Variants in ADAMTS6 observed in about 807,000 individuals in gnomAD.
The protein encoded by ADAMTS6 is A disintegrin and metalloproteinase with thrombospondin motifs 6.
In ADAMTS6, 23 loss-of-function variants were observed where a neutral mutation model predicts 144.3. The observed-to-expected ratio is 0.16, with a 90% CI of 0.11 to 0.23. The LOEUF is 0.23. ADAMTS6 is among the 10% of genes least tolerant of loss of function. The pLI, the probability that ADAMTS6 is intolerant of heterozygous loss-of-function variation, is 1.00. For missense variants in ADAMTS6, 999 were observed against 1,379.6 expected, an observed-to-expected ratio of 0.72 and a Z score of 4.37; for synonymous variants, 444 against 457.5, an observed-to-expected ratio of 0.97 and a Z score of 0.38.
chr5:65,328,172 T>A (rs558734247), intron 9 of ADAMTS6, among the ~76,000 whole-genome samples: 66 of 152,190 alleles, frequency 4.3e-4, no homozygotes, highest in Admixed American at 4.3e-3. Flanking sequence ...CTAAATCATA[T>A]CAACTTGATA....
At chr5:65,374,797 G>A (rs971928828) in intron 7 of ADAMTS6, among the ~76,000 whole-genome samples, 131 of 152,252 alleles carry the variant, frequency 8.6e-4, no homozygotes, top group African/African-American at 2.9e-3. Flanking sequence ...AGCCTGCATC[G>A]CCATGTCAAT....
At chr5:65,169,972 C>CA (rs1753507187) in intron 24 of ADAMTS6, among the ~76,000 whole-genome samples, 1 of 151,536 alleles carries the variant, frequency 6.6e-6, no homozygotes. Flanking sequence ...ACCAGCATGG[C>CA]ACATGTATAC....
intron 3 of ADAMTS6, among the ~76,000 whole-genome samples, chr5:65,464,593 C>T (rs1759862258): frequency 6.6e-6 from 1 of 152,088 alleles, no homozygotes. Flanking sequence ...AGTTCACAAT[C>T]CCCCTGAATC....
chr5:65,180,835 T>C (rs1561254991), intron 22 of ADAMTS6, among the ~76,000 whole-genome samples: 1 of 152,202 alleles, frequency 6.6e-6, no homozygotes, highest in Admixed American at 6.5e-5. Context: ...GTCAGCCATA[T>C]AAAATAATTT....
intron 9 of ADAMTS6, among the ~76,000 whole-genome samples, chr5:65,309,128 G>A (rs538232011): frequency 5.3e-5 from 8 of 151,984 alleles, no homozygotes; most frequent in African/African-American, 1.9e-4. Flanking sequence ...GTGGCGGGGG[G>A]GTGGTGGTTT....
intron 4 of ADAMTS6, among the ~76,000 whole-genome samples, chr5:65,457,426 A>G (rs904845379): frequency 6.6e-6 from 1 of 152,244 alleles, no homozygotes; most frequent in Admixed American, 6.5e-5. Flanking sequence ...GTAAGAGAAT[A>G]TCTTTCCCCA....
At chr5:65,362,246 G>C (rs1345020017) in intron 7 of ADAMTS6, among the ~76,000 whole-genome samples, 4 of 152,186 alleles carry the variant, frequency 2.6e-5, no homozygotes, top group Non-Finnish European at 5.9e-5. Context: ...GTGAATTCTA[G>C]TCCTGGTGAT....
intron 7 of ADAMTS6, among the ~76,000 whole-genome samples, chr5:65,413,111 C>T (rs1271370754): frequency 2.0e-5 from 3 of 152,100 alleles, no homozygotes; most frequent in Non-Finnish European, 4.4e-5. Context: ...AATTTCTAGC[C>T]TCTCAGAATG....
intron 7 of ADAMTS6, among the ~76,000 whole-genome samples, chr5:65,396,411 A>C (rs1454365429): frequency 6.6e-6 from 1 of 152,218 alleles, no homozygotes; most frequent in Non-Finnish European, 1.5e-5. Flanking sequence ...AAAGAAAACA[A>C]CACTACTCTC....
intron 7 of ADAMTS6, among the ~76,000 whole-genome samples, chr5:65,449,958 G>A (rs913671310): frequency 1.3e-5 from 2 of 152,180 alleles, no homozygotes; most frequent in Non-Finnish European, 2.9e-5. Context: ...TCATATTTGG[G>A]AAGACAGGGC....
chr5:65,196,246 T>C (rs1173581139), intron 21 of ADAMTS6, among the ~76,000 whole-genome samples: 2 of 151,964 alleles, frequency 1.3e-5, no homozygotes, highest in Non-Finnish European at 1.5e-5. Context: ...TTAAAAGTCT[T>C]TAGGTCTTGG....
intron 12 of ADAMTS6, among the ~76,000 whole-genome samples, chr5:65,271,249 A>G (rs1323302927): frequency 1.3e-5 from 2 of 151,824 alleles, no homozygotes; most frequent in Non-Finnish European, 2.9e-5. Context: ...TTAGCTGGGC[A>G]TGGTGGTATG....
chr5:65,247,830 A>G (rs983251023), intron 14 of ADAMTS6, among the ~76,000 whole-genome samples: 1 of 152,048 alleles, frequency 6.6e-6, no homozygotes, highest in African/African-American at 2.4e-5. Context: ...TTTTGCTTTC[A>G]TACCAAATTC....
intron 7 of ADAMTS6, among the ~76,000 whole-genome samples, chr5:65,402,348 G>C (rs973471219): frequency 6.6e-6 from 1 of 151,996 alleles, no homozygotes; most frequent in African/African-American, 2.4e-5. Flanking sequence ...TGTGACTGAA[G>C]ACAAAATATA....
intron 11 of ADAMTS6, among the ~76,000 whole-genome samples, chr5:65,290,031 A>G (rs1013335308): frequency 6.6e-6 from 1 of 152,208 alleles, no homozygotes; most frequent in African/African-American, 2.4e-5. Flanking sequence ...AAGGTTCTAC[A>G]TATCATATAA....
chr5:65,303,264 T>A (rs72760528), intron 9 of ADAMTS6, among the ~76,000 whole-genome samples: 5,190 of 152,214 alleles, frequency 0.034, 145 homozygotes, highest in Admixed American at 0.071. Flanking sequence ...TTGAGTGGTA[T>A]TTCTATAATA....
chr5:65,470,927 C>T lies in ADAMTS6; in HGVS notation c.313G>A (p.Asp105Asn). ...HFHLNLTLNT[D>N]FVSKHFTVEY... ...ACTGTAAAATGTTTGGACACAAAAT[C>T]TGTGTTGAGAGTCAAGTTTAGATGA... The change falls in exon 3 of 25, where the codon GAT becomes AAT. Residue 105 changes from aspartate to asparagine, a missense_variant. Around this residue, in one of 3 missense-constraint regions of ADAMTS6, gnomAD observed 252 missense variants for 293.7 expected, o/e 0.86. Coordinates refer to ENST00000381055, the MANE Select transcript of ADAMTS6 (RefSeq NM_197941.4). 6.2e-7 allele frequency: 1 copy of T among 1,612,624 alleles called. No individual in the cohort carries two copies.
rs148342945 is a variant in ADAMTS6, at chr5:65,223,563, T to A, written c.2272+757A>T. Among the ~76,000 whole-genome samples the A allele has an allele frequency of 3.9e-5, 6 of 152,328 alleles. No homozygotes were observed. In the East Asian group the frequency reaches 9.7e-4, roughly 25 times the overall value. On this transcript the variant is annotated intron_variant, in intron 18 of 24. Transcript: ENST00000381055. ...CGTATAAATGAGATCATGCAGTATT[T>A]GCCTTTCTGTGTCTGGCTTATTTAG...
In ADAMTS6 at chr5:65,405,474, C is replaced by A. The variant is rs374577843; in HGVS notation, c.1073+46001G>T. Among the ~76,000 whole-genome samples the A allele has an allele frequency of 1.3e-3, 199 of 152,284 alleles. 3 individuals carry two copies. Among genetic ancestry groups the A allele is most frequent in the East Asian group, 3.9e-3 (20 of 5,188 alleles). ...TGGTTGTAGATGTGTGGTATTATTTCTAAGGGCTCTGTTCTGTTCCATTGA... is the reference window on the plus strand; with the variant it reads ...TGGTTGTAGATGTGTGGTATTATTTATAAGGGCTCTGTTCTGTTCCATTGA... On this transcript the variant is annotated intron_variant, in intron 7 of 24. Coordinates refer to ENST00000381055, the MANE Select transcript of ADAMTS6 (RefSeq NM_197941.4).
Sources: allele counts gnomAD v4.1 joint callset (sites outside exome capture counted in the v4.1 genomes callset), GRCh38; gene constraint gnomAD v4.1.1; regional missense constraint gnomAD v4.1.1; transcripts MANE v1.5; gene names NCBI Gene and HGNC (gene_info 2026-07-23, HGNC 2026-07-21).